OGG1: variants seen among roughly 807,000 people sequenced by gnomAD.
OGG1 encodes the protein 8-oxoguanine DNA glycosylase.
OGG1 carries 35 observed loss-of-function variants against 42.3 expected under a neutral mutation model. The observed-to-expected ratio is 0.83, with a 90% CI of 0.63 to 1.10. The LOEUF (loss-of-function observed/expected upper bound fraction) is 1.10. Ranked by LOEUF, OGG1 falls within the 50% of genes least tolerant of loss-of-function variation. The pLI is 0.00. For synonymous variants in OGG1, 189 were observed against 179.0 expected, an observed-to-expected ratio of 1.06 and a Z score of -0.44; for missense variants, 484 against 446.7, an observed-to-expected ratio of 1.08 and a Z score of -0.75.
chr3:9,783,900 G>A (rs2078540957), intron 3 of OGG1: 13 of 1,403,204 alleles, frequency 9.3e-6, no homozygotes, highest in Admixed American at 5.8e-5. Context: ...TGTTTTTTTC[G>A]AGGCTCTCCA....
chr3:9,775,787 G>A (rs1014357946), intron 2 of OGG1, among the ~76,000 whole-genome samples: 2 of 151,932 alleles, frequency 1.3e-5, no homozygotes, highest in East Asian at 1.9e-4. Flanking sequence ...TTACAGGTGC[G>A]TGCCACCATG....
At chr3:9,753,257 TCA>T (rs2077384701) in intron 3 of OGG1, among the ~76,000 whole-genome samples, 1 of 150,550 alleles carries the variant, frequency 6.6e-6, no homozygotes, top group Non-Finnish European at 1.5e-5. Context: ...GGCGGGAGAA[TCA>T]TTTGAACCTG....
At chr3:9,769,221 G>A (rs886376470), downstream of OGG1, among the ~76,000 whole-genome samples, 19 of 150,616 alleles carry the variant, frequency 1.3e-4, no homozygotes, top group Admixed American at 6.6e-5. Context: ...ACATCCACCC[G>A]CACCCACACA....
intron 3 of OGG1, among the ~76,000 whole-genome samples, chr3:9,754,078 T>A (rs1441585866): frequency 6.6e-6 from 1 of 152,150 alleles, no homozygotes; most frequent in Non-Finnish European, 1.5e-5. Flanking sequence ...AGGTCAAGGC[T>A]GTAGTGAACT....
chr3:9,764,950 A>G (rs952678185), intron 7 of OGG1, among the ~76,000 whole-genome samples: 2 of 152,132 alleles, frequency 1.3e-5, no homozygotes, highest in Admixed American at 1.3e-4. Context: ...ATGCTCTGCC[A>G]GGAGTTGGGT....
chr3:9,759,011 C>T (rs1575220308), downstream of OGG1: 1 of 659,982 alleles, frequency 1.5e-6, no homozygotes, highest in Admixed American at 2.2e-5. Flanking sequence ...AGTTGGTGCT[C>T]CTCTGTGGCA....
chr3:9,790,437 A>G (rs1432672724), downstream of OGG1, among the ~76,000 whole-genome samples: 1 of 152,126 alleles, frequency 6.6e-6, no homozygotes, highest in Non-Finnish European at 1.5e-5. Flanking sequence ...TTCCTCCACA[A>G]GTCTCTGGCA....
chr3:9,781,473 G>C (rs2078462784), intron 2 of OGG1: 5 of 453,102 alleles, frequency 1.1e-5, no homozygotes, highest in South Asian at 7.8e-5. Context: ...TCTGGAGCAG[G>C]CTGGGGCCAA....
rs753782716 is a variant in OGG1, at chr3:9,756,544, T to C, written c.821T>C (p.Ile274Thr). The stretch of plus-strand genomic sequence containing the variant: ...CCCGTGGATGTCCATATGTGGCACA[T>C]TGCCCAACGTGACTACAGCTGGCAC... ...AVPVDVHMWH[I>T]AQRDYSWHPT... Residue 274 changes from isoleucine to threonine, a missense_variant, in exon 5 of 7, where the codon ATT becomes ACT. By Grantham distance (89) the Ile-to-Thr change is moderately conservative (BLOSUM62 -1). Coordinates refer to ENST00000344629, the MANE Select transcript of OGG1 (RefSeq NM_002542.6). The C allele has an allele frequency of 6.2e-7, 1 of 1,614,152 alleles. No homozygotes were observed. Among genetic ancestry groups the C allele is most frequent in the Non-Finnish European group, 8.5e-7 (1 of 1,180,032 alleles).
chr3:9,765,694 A>G, intron 7 of OGG1: 3 of 1,562,050 alleles, frequency 1.9e-6, no homozygotes, highest in South Asian at 1.1e-5. Flanking sequence ...AAAGCAGGAA[A>G]GGAGGAGGAT....
intron 2 of OGG1, among the ~76,000 whole-genome samples, chr3:9,775,195 T>A (rs192656402): frequency 1.3e-5 from 2 of 151,962 alleles, no homozygotes; most frequent in East Asian, 3.9e-4. Context: ...ATTTAGATTA[T>A]GCCACTGCAC....
chr3:9,787,343 G>A, intron 3 of OGG1: 1 of 1,605,286 alleles, frequency 6.2e-7, no homozygotes, highest in South Asian at 1.1e-5. Flanking sequence ...GGTGGGATCT[G>A]TGGAAAAGAT....
At position 9,751,129 on chromosome 3, in the gene OGG1, C is replaced by G. The variant is rs1229186763; in HGVS notation, c.322C>G (p.Gln108Glu). 12 of 1,614,178 alleles carry G rather than the reference C, an allele frequency of 7.4e-6. No homozygotes were observed. Among genetic ancestry groups the G allele is most frequent in the Non-Finnish European group, 9.3e-6 (11 of 1,180,034 alleles). Residue 108 changes from glutamine (Q) to glutamate (E), a missense_variant, in exon 2 of 7, where the codon CAA becomes GAA. Gln to Glu is a conservative substitution (Grantham distance 29). Transcript: ENST00000344629. ...KYFQLDVTLA[Q>E]LYHHWGSVDS... ...CTTCCAGCTAGATGTTACCCTGGCTCAACTGTATCACCACTGGGGTTCCGT... is the reference window on the plus strand; with the variant it reads ...CTTCCAGCTAGATGTTACCCTGGCTGAACTGTATCACCACTGGGGTTCCGT...
At chr3:9,783,766 A>C in intron 3 of OGG1, 1 of 472,642 alleles carries the variant, frequency 2.1e-6, no homozygotes, top group African/African-American at 2.0e-5. Context: ...TGACAGTGCG[A>C]GACTCCCTCT....
At chr3:9,789,130 C>T (rs938364109), downstream of OGG1, among the ~76,000 whole-genome samples, 4 of 152,202 alleles carry the variant, frequency 2.6e-5, no homozygotes, top group African/African-American at 4.8e-5. Context: ...GCCACTGCTC[C>T]CAGCCCAAGT....
chr3:9,764,590 G>A (rs1223851031), intron 7 of OGG1, among the ~76,000 whole-genome samples: 1 of 149,540 alleles, frequency 6.7e-6, no homozygotes, highest in East Asian at 2.0e-4. Flanking sequence ...GGGATTACAG[G>A]CGTGAGCCAC....
downstream of OGG1, chr3:9,761,747 A>G: frequency 6.2e-7 from 1 of 1,614,124 alleles, no homozygotes; most frequent in Non-Finnish European, 8.5e-7. Flanking sequence ...GTAGTACAGC[A>G]GATTCTCTGG....
At position 9,749,972 on chromosome 3, in the gene OGG1, C is replaced by T. The variant is rs2077217845; in HGVS notation, c.-315C>T. 2.5e-6 allele frequency: 1 copy of T among 398,104 alleles called. No individual in the cohort carries two copies. Among genetic ancestry groups the T allele is most frequent in the Non-Finnish European group, 4.6e-6 (1 of 216,906 alleles). The allele number at this position is 398,104 out of a possible 1,614,324, so 24.7% of individuals were successfully genotyped here. ...CTTCCGGTGGTGCTGTGGTCTGCCCCTGGAGAACCCAGAAGAACACAGCTG... is the reference window on the plus strand; with the variant it reads ...CTTCCGGTGGTGCTGTGGTCTGCCCTTGGAGAACCCAGAAGAACACAGCTG... On this transcript the variant is annotated 5_prime_UTR_variant, in exon 1 of 7. Transcript: ENST00000344629.
chr3:9,781,141 A>AG (rs1553707638), intron 2 of OGG1, among the ~76,000 whole-genome samples: 1 of 151,982 alleles, frequency 6.6e-6, no homozygotes, highest in Non-Finnish European at 1.5e-5. Context: ...AAAAAAAAAA[A>AG]GGTCTTAAAA....
Sources: gnomAD v4.1 joint callset for allele counts (sites outside exome capture counted in the v4.1 genomes callset) on GRCh38, gnomAD v4.1.1 for gene constraint, MANE v1.5 for transcripts, NCBI Gene and HGNC (gene_info 2026-07-23, HGNC 2026-07-21) for gene names.